C17orf67: variants seen among roughly 807,000 people sequenced by gnomAD.
The protein encoded by C17orf67 is chromosome 17 open reading frame 67, also known as uncharacterized protein C17orf67.
In C17orf67, 12 loss-of-function variants were observed where a neutral mutation model predicts 11.2. The ratio of observed to expected loss-of-function variants is 1.07; its 90% CI spans 0.68 to 1.73. The LOEUF (loss-of-function observed/expected upper bound fraction) is 1.73, where lower values mean the gene tolerates loss of function less well. Ranked by LOEUF, C17orf67 falls within the 40% of genes most tolerant of loss-of-function variation. The pLI is 0.00. For synonymous variants in C17orf67, 59 were observed against 46.9 expected (o/e 1.26, Z -1.05); for missense variants, 115 against 113.5 (o/e 1.01, Z -0.06).
At chr17:56,810,361 CT>C (rs1372723544) in intron 6 of C17orf67, among the ~76,000 whole-genome samples, 1 of 148,982 alleles carries the variant, frequency 6.7e-6, no homozygotes, top group African/African-American at 2.5e-5. Flanking sequence ...ACACACACCC[CT>C]CACACATCCC....
intron 4 of C17orf67, among the ~76,000 whole-genome samples, chr17:56,821,168 C>T (rs1026143406): frequency 6.6e-6 from 1 of 152,054 alleles, no homozygotes; most frequent in Non-Finnish European, 1.5e-5. Flanking sequence ...AGTAATCCTA[C>T]CCCCTTGGCC....
At chr17:56,822,423 C>T (rs1481796891) in intron 4 of C17orf67, among the ~76,000 whole-genome samples, 6 of 152,070 alleles carry the variant, frequency 3.9e-5, no homozygotes, top group Non-Finnish European at 7.4e-5. Context: ...GCCTGTGTTA[C>T]GTTGGAGCTG....
intron 2 of C17orf67, among the ~76,000 whole-genome samples, chr17:56,826,123 T>G (rs1293956799): frequency 3.1e-4 from 47 of 151,992 alleles, no homozygotes; most frequent in Admixed American, 3.1e-3. Flanking sequence ...CCCAGCTAAT[T>G]TTTTATTTTT....
chr17:56,828,602 A>C (rs1342360333), intron 2 of C17orf67, among the ~76,000 whole-genome samples: 1 of 152,206 alleles, frequency 6.6e-6, no homozygotes, highest in Non-Finnish European at 1.5e-5. Flanking sequence ...TTCTAACATA[A>C]AAATTAAACA....
At chr17:56,795,332 G>A in intron 6 of C17orf67, 152 bp from the exon 7 acceptor site, 1 of 670,522 alleles carries the variant, frequency 1.5e-6, no homozygotes, top group Admixed American at 2.2e-5. Context: ...CTCTCTGTAG[G>A]GAAGACCAGT....
At chr17:56,823,047 G>A (rs536257500) in intron 4 of C17orf67, among the ~76,000 whole-genome samples, 5 of 152,144 alleles carry the variant, frequency 3.3e-5, no homozygotes, top group Non-Finnish European at 7.3e-5. Flanking sequence ...ACTTAAACAG[G>A]GACAAAGGAG....
intron 2 of C17orf67, among the ~76,000 whole-genome samples, chr17:56,829,894 T>C (rs982101913): frequency 3.9e-5 from 6 of 152,222 alleles, no homozygotes; most frequent in Admixed American, 3.9e-4. Flanking sequence ...AGGTGAACAA[T>C]TTCTATTTTA....
chr17:56,805,788 G>C (rs960278984), intron 6 of C17orf67, among the ~76,000 whole-genome samples: 9 of 152,122 alleles, frequency 5.9e-5, no homozygotes, highest in Non-Finnish European at 1.2e-4. Flanking sequence ...TCTAACAAAA[G>C]AGGATAATTC....
At chr17:56,816,648 C>A (rs892222983) in intron 4 of C17orf67, among the ~76,000 whole-genome samples, 4 of 152,174 alleles carry the variant, frequency 2.6e-5, no homozygotes, top group African/African-American at 9.7e-5. Flanking sequence ...CCAGTAAGCC[C>A]CATAACCTCA....
intron 6 of C17orf67, among the ~76,000 whole-genome samples, chr17:56,796,666 G>T (rs903888458): frequency 2.0e-5 from 3 of 152,148 alleles, no homozygotes; most frequent in South Asian, 2.1e-4. Flanking sequence ...GCATCGGGAC[G>T]TTGAGGCTAT....
At chr17:56,831,830 TC>T (rs34571876) in intron 2 of C17orf67, among the ~76,000 whole-genome samples, 42 of 152,266 alleles carry the variant, frequency 2.8e-4, no homozygotes, top group African/African-American at 8.4e-4. Flanking sequence ...TAGCCAGGCT[TC>T]CCTGAGCCCC....
chr17:56,832,432 C>T (rs1173888883), intron 2 of C17orf67, among the ~76,000 whole-genome samples: 1 of 152,184 alleles, frequency 6.6e-6, no homozygotes, highest in Non-Finnish European at 1.5e-5. Context: ...AATTGTGAAT[C>T]CTTCCTCTGT....
chr17:56,795,098 G>A lies in C17orf67; in HGVS notation c.239C>T (p.Pro80Leu). 6.2e-7 allele frequency: 1 copy of A among 1,614,084 alleles called. No individual in the cohort carries two copies. Among genetic ancestry groups the A allele is most frequent in the Non-Finnish European group, 8.5e-7 (1 of 1,179,988 alleles). ...ATGAATCCTGTTCCTGTCACAGTGG[G>A]GTTTGCAGTGAGGGTTCAGCCAGTG... The part of the protein sequence containing the change: ...LEHWLNPHCK[P>L]HCDRNRIHPV The change falls in exon 7 of 8, where the codon CCC becomes CTC. Residue 80 changes from proline (P) to leucine (L), a missense_variant. Transcript: ENST00000397861.
intron 2 of C17orf67, among the ~76,000 whole-genome samples, chr17:56,825,877 A>T (rs1204310947): frequency 6.6e-6 from 1 of 152,104 alleles, no homozygotes; most frequent in African/African-American, 2.4e-5. Flanking sequence ...GGAGTGAGAG[A>T]TGGTGATTCT....
chr17:56,795,115 C>T lies in C17orf67; in HGVS notation c.222G>A (p.Leu74=). 2 of 1,614,136 alleles carry T rather than the reference C, an allele frequency of 1.2e-6. No individual in the cohort carries two copies. Among genetic ancestry groups the T allele is most frequent in the Non-Finnish European group, 1.7e-6 (2 of 1,180,006 alleles). ...CACAGTGGGGTTTGCAGTGAGGGTT[C>T]AGCCAGTGCTCCAGGAACTGCTCCT... The part of the protein sequence containing the change: ...RAEEQFLEHW[L]NPHCKPHCDR... The change falls in exon 7 of 8, where the codon CTG becomes CTA. Residue 74 remains leucine (L), a synonymous_variant. Transcript: ENST00000397861.
At position 56,828,262 on chromosome 17, in the gene C17orf67, G is replaced by A. The variant is rs181245929; in HGVS notation, c.-556-2941C>T. 6.0e-3 allele frequency among the ~76,000 whole-genome samples: 910 copies of A among 152,162 alleles called. 8 individuals carry two copies. The highest frequency in any genetic ancestry group is 0.01 in the Non-Finnish European group (701 of 67,982). On this transcript the variant is annotated intron_variant, in intron 2 of 7. Coordinates refer to ENST00000397861, the MANE Select transcript of C17orf67 (RefSeq NM_001085430.4). ...CTCTGCTAAAAATACAAAATTAGCT[G>A]GACGTGGTGGCGCATGCGTGTAATC...
chr17:56,805,372 T>G (rs1454070973), intron 6 of C17orf67, among the ~76,000 whole-genome samples: 2 of 152,156 alleles, frequency 1.3e-5, no homozygotes, highest in African/African-American at 4.8e-5. Context: ...CCACTGCCAA[T>G]GAATGGCACT....
intron 2 of C17orf67, among the ~76,000 whole-genome samples, chr17:56,829,454 A>G (rs1356325563): frequency 6.6e-6 from 1 of 152,116 alleles, no homozygotes; most frequent in Non-Finnish European, 1.5e-5. Flanking sequence ...CCCCATCACA[A>G]GGAGCTTTTC....
At chr17:56,828,127 C>T (rs1368588069) in intron 2 of C17orf67, among the ~76,000 whole-genome samples, 3 of 147,398 alleles carry the variant, frequency 2.0e-5, no homozygotes, top group Non-Finnish European at 4.5e-5. Context: ...AAAAAAAAGC[C>T]AGGCACGGCG....
Sources: allele counts gnomAD v4.1 joint callset (sites outside exome capture counted in the v4.1 genomes callset), GRCh38; gene constraint gnomAD v4.1.1; transcripts MANE v1.5; gene names NCBI Gene and HGNC (gene_info 2026-07-23, HGNC 2026-07-21).